Variants in RAPGEF2 observed in about 807,000 individuals in gnomAD.
RAPGEF2 encodes the protein Rap guanine nucleotide exchange factor 2, also known as PDZ domain containing guanine nucleotide exchange factor (GEF) 1.
In RAPGEF2, 54 loss-of-function variants were observed where a neutral mutation model predicts 186.7. That is an observed-to-expected ratio of 0.29 (90% CI 0.23 to 0.36). RAPGEF2 has a LOEUF of 0.36. Among genes scored for constraint, RAPGEF2 ranks in the 10% least tolerant of loss-of-function variants. RAPGEF2 has a pLI of 1.00. For synonymous variants in RAPGEF2, 712 were observed against 705.9 expected (o/e 1.01, Z -0.14); for missense variants, 1,532 against 2,045.0 (o/e 0.75, Z 4.84).
At chr4:159,113,928 A>G (rs1307252688) in intron 1 of RAPGEF2, among the ~76,000 whole-genome samples, 1 of 151,796 alleles carries the variant, frequency 6.6e-6, no homozygotes, top group Non-Finnish European at 1.5e-5. Flanking sequence ...AAATAAATGG[A>G]TGAGAAGAGA....
At chr4:159,106,769 C>T (rs957167125) in intron 1 of RAPGEF2, among the ~76,000 whole-genome samples, 1 of 152,068 alleles carries the variant, frequency 6.6e-6, no homozygotes, top group Non-Finnish European at 1.5e-5. Context: ...TCCCAAGCTC[C>T]GTGAAAACAT....
chr4:159,352,614 T>C (rs1731351921), intron 26 of RAPGEF2, 71 bp from the exon 27 acceptor site: 1 of 1,285,834 alleles, frequency 7.8e-7, no homozygotes. Flanking sequence ...TTTTTGCTTC[T>C]ATTTGGTAGA....
intron 1 of RAPGEF2, among the ~76,000 whole-genome samples, chr4:159,173,937 T>C (rs540165974): frequency 3.9e-5 from 6 of 152,316 alleles, no homozygotes; most frequent in African/African-American, 1.4e-4. Context: ...AAGATATCTT[T>C]TGTTAAATGT....
chr4:159,191,347 C>T (rs1187809719), intron 2 of RAPGEF2, among the ~76,000 whole-genome samples: 3 of 152,058 alleles, frequency 2.0e-5, no homozygotes, highest in African/African-American at 4.8e-5. Flanking sequence ...ATTCTGATAA[C>T]AAGTTGGATG....
intron 23 of RAPGEF2, among the ~76,000 whole-genome samples, chr4:159,344,855 A>G (rs1409613024): frequency 6.6e-6 from 1 of 152,212 alleles, no homozygotes; most frequent in African/African-American, 2.4e-5. Context: ...TGCTCTATAG[A>G]GTGAAAAGTA....
At chr4:159,252,307 C>T (rs929953364) in intron 7 of RAPGEF2, among the ~76,000 whole-genome samples, 1 of 152,136 alleles carries the variant, frequency 6.6e-6, no homozygotes, top group African/African-American at 2.4e-5. Flanking sequence ...GCCTTGGCCT[C>T]CCAAAGTACT....
At chr4:159,307,279 A>G (rs1264310092) in intron 8 of RAPGEF2, among the ~76,000 whole-genome samples, 2 of 152,208 alleles carry the variant, frequency 1.3e-5, no homozygotes, top group African/African-American at 2.4e-5. Flanking sequence ...TAAGAATACC[A>G]TCAATACAAG....
chr4:159,130,811 G>GGT (rs1308398349), intron 1 of RAPGEF2, among the ~76,000 whole-genome samples: 1 of 150,156 alleles, frequency 6.7e-6, no homozygotes, highest in Admixed American at 6.6e-5. Flanking sequence ...CTCAGGCTCA[G>GGT]GTGTCCTCCC....
rs546874789 is a variant in RAPGEF2 at position 159,359,997 on chromosome 4, G to C, written c.*1858G>C. 3 of 152,270 alleles carry C rather than the reference G, an allele frequency of 2.0e-5. No individual in the cohort carries two copies. The South Asian group carries it at 6.2e-4, about 32-fold the overall frequency. 9.4% of individuals were successfully genotyped at this position (152,270 alleles called of 1,614,324 possible). On this transcript the variant is annotated 3_prime_UTR_variant, in exon 30 of 30. Coordinates refer to ENST00000691494, the MANE Select transcript of RAPGEF2 (RefSeq NM_001394067.2). ...ACTACTTGTACCTGTATGTCTTTTA[G>C]AAAGACATTGGTGGAGTCTGTATCC...
chr4:159,104,549 A>AGT (rs760626474), intron 1 of RAPGEF2, among the ~76,000 whole-genome samples: 3,430 of 132,006 alleles, frequency 0.026, 78 homozygotes, highest in Non-Finnish European at 0.036. Flanking sequence ...AGAGAGAGAG[A>AGT]GAGAGTGTGT....
intron 7 of RAPGEF2, among the ~76,000 whole-genome samples, chr4:159,271,743 G>C (rs1554022652): frequency 6.6e-6 from 1 of 152,176 alleles, no homozygotes; most frequent in Non-Finnish European, 1.5e-5. Flanking sequence ...TACACAACTT[G>C]AAAAAGTGCT....
At chr4:159,175,960 G>GT (rs1181358987) in intron 1 of RAPGEF2, among the ~76,000 whole-genome samples, 2 of 152,130 alleles carry the variant, frequency 1.3e-5, no homozygotes, top group African/African-American at 2.4e-5. Context: ...GAGTGTCTTT[G>GT]TTCAAGGTGC....
In RAPGEF2 at chr4:159,336,756, AG is replaced by A. The variant is rs1373447188; in HGVS notation, c.2136-1554del. On this transcript the variant is annotated intron_variant, in intron 17 of 29. Coordinates refer to ENST00000691494, the MANE Select transcript of RAPGEF2 (RefSeq NM_001394067.2). ...ATTTTCAAAAAAAAAAGTAAAGGGA[AG>A]AAATGTTGCTATTTTTTAGCATAGT... is the stretch of plus-strand genomic sequence containing the variant. Among the ~76,000 whole-genome samples the A allele has an allele frequency of 2.6e-5, 4 of 152,124 alleles. No individual in the cohort carries two copies. In the East Asian group the frequency reaches 7.7e-4, roughly 29 times the overall value.
chr4:159,120,685 A>T (rs1739577173), intron 1 of RAPGEF2, among the ~76,000 whole-genome samples: 2 of 152,162 alleles, frequency 1.3e-5, no homozygotes, highest in Admixed American at 6.5e-5. Flanking sequence ...CTATGTTTCC[A>T]TAAATTATTT....
chr4:159,198,322 C>CTCTTTT (rs1749006351), intron 3 of RAPGEF2, among the ~76,000 whole-genome samples: 1 of 56,704 alleles, frequency 1.8e-5, no homozygotes, highest in African/African-American at 1.3e-4. Flanking sequence ...TTCTTTCTTT[C>CTCTTTT]TTTCTTTCTT....
chr4:159,232,268 G>A (rs181864132), intron 4 of RAPGEF2, among the ~76,000 whole-genome samples: 25 of 152,292 alleles, frequency 1.6e-4, no homozygotes, highest in Admixed American at 3.9e-4. Context: ...TGGAAACCCC[G>A]AAACCATTAC....
chr4:159,163,989 T>A (rs1223629557), intron 1 of RAPGEF2, among the ~76,000 whole-genome samples: 1 of 152,114 alleles, frequency 6.6e-6, no homozygotes, highest in Non-Finnish European at 1.5e-5. Flanking sequence ...AATGATAACA[T>A]GTATCAGTAG....
intron 7 of RAPGEF2, among the ~76,000 whole-genome samples, chr4:159,259,121 G>T (rs1756516858): frequency 6.6e-6 from 1 of 152,126 alleles, no homozygotes; most frequent in African/African-American, 2.4e-5. Context: ...AATATTCATG[G>T]TCACTCAGGT....
intron 7 of RAPGEF2, among the ~76,000 whole-genome samples, chr4:159,285,872 T>C (rs1760391459): frequency 6.6e-6 from 1 of 152,206 alleles, no homozygotes; most frequent in South Asian, 2.1e-4. Context: ...GTGAAAAGTT[T>C]TGCAAAGTTT....
Sources: allele counts gnomAD v4.1 joint callset (sites outside exome capture counted in the v4.1 genomes callset), GRCh38; gene constraint gnomAD v4.1.1; transcripts MANE v1.5; gene names NCBI Gene and HGNC (gene_info 2026-07-23, HGNC 2026-07-21).